Variants in ATG10 observed in about 807,000 individuals in gnomAD.
The protein encoded by ATG10 is autophagy related 10.
In ATG10, 30 loss-of-function variants were observed where a neutral mutation model predicts 32.1. That is an observed-to-expected ratio of 0.94 (90% confidence interval 0.70 to 1.27). ATG10 has a LOEUF of 1.27. ATG10 is among the 50% of genes most tolerant of loss of function. The pLI is 0.00. For missense variants in ATG10, 233 were observed against 262.3 expected (o/e 0.89, Z 0.77); for synonymous variants, 87 against 91.5 (o/e 0.95, Z 0.28).
chr5:82,098,555 C>T (rs901805993), intron 3 of ATG10, among the ~76,000 whole-genome samples: 32 of 152,180 alleles, frequency 2.1e-4, no homozygotes, highest in African/African-American at 5.1e-4. Context: ...GTGATTCACC[C>T]GCCTCGGGCC....
intron 3 of ATG10, among the ~76,000 whole-genome samples, chr5:82,157,431 G>A (rs929636353): frequency 5.3e-5 from 8 of 151,046 alleles, no homozygotes; most frequent in Non-Finnish European, 1.0e-4. Flanking sequence ...AAAGAATTAC[G>A]TTGCTTGCAA....
chr5:82,052,695 C>T (rs944553996), intron 2 of ATG10, among the ~76,000 whole-genome samples: 1 of 152,098 alleles, frequency 6.6e-6, no homozygotes, highest in Non-Finnish European at 1.5e-5. Context: ...ATTCAGTGTA[C>T]ACATAGCCTG....
At chr5:82,109,540 A>G (rs1053991902) in intron 3 of ATG10, among the ~76,000 whole-genome samples, 1 of 151,946 alleles carries the variant, frequency 6.6e-6, no homozygotes, top group Non-Finnish European at 1.5e-5. Context: ...ATGCTCTTGT[A>G]AGCCTGATTT....
At chr5:82,129,291 T>A (rs1206429957) in intron 3 of ATG10, among the ~76,000 whole-genome samples, 1 of 152,032 alleles carries the variant, frequency 6.6e-6, no homozygotes, top group East Asian at 1.9e-4. Flanking sequence ...GGTTAGAACA[T>A]GCTCCTTTAG....
At chr5:82,205,437 CAGGAGGAAGGGAAGAT>C (rs1320902965) in intron 5 of ATG10, among the ~76,000 whole-genome samples, 1 of 151,782 alleles carries the variant, frequency 6.6e-6, no homozygotes, top group African/African-American at 2.4e-5. Flanking sequence ...AAAGGAAAGA[CAGGAGGAAGGGAAGAT>C]AGGAGGAAGA....
At chr5:82,194,891 G>A (rs375678990) in intron 5 of ATG10, among the ~76,000 whole-genome samples, 50 of 152,232 alleles carry the variant, frequency 3.3e-4, no homozygotes, top group African/African-American at 1.2e-3. Flanking sequence ...AGTTTCCATC[G>A]CTGCCAATAG....
chr5:82,203,867 A>G (rs1314241084), intron 5 of ATG10, among the ~76,000 whole-genome samples: 5 of 152,208 alleles, frequency 3.3e-5, no homozygotes, highest in African/African-American at 1.2e-4. Context: ...ATGAAGTAAG[A>G]TAAATATTTA....
rs745789653 is a variant in ATG10 at position 81,987,593 on chromosome 5, G to C, written c.23G>C (p.Gly8Ala). ...AACATGGAAGAAGATGAGTTCATTG[G>C]AGAAAAAACATTCCAACGTTATTGT... MEEDEFI[G>A]EKTFQRYCAE... The change falls in exon 2 of 8, where the codon GGA becomes GCA. Residue 8 changes from glycine to alanine, a missense_variant. Gly to Ala is a moderately conservative substitution (Grantham distance 60, BLOSUM62 0). Transcript: ENST00000282185. 8 of 1,611,092 alleles carry C rather than the reference G, an allele frequency of 5.0e-6. No individual in the cohort carries two copies. In the African/African-American group the frequency reaches 1.1e-4, roughly 22 times the overall value.
intron 3 of ATG10, among the ~76,000 whole-genome samples, chr5:82,135,521 A>T (rs539384559): frequency 1.3e-5 from 2 of 152,260 alleles, no homozygotes; most frequent in South Asian, 4.1e-4. Context: ...TTCATTTTGC[A>T]TGTAGTTGTG....
intron 5 of ATG10, among the ~76,000 whole-genome samples, chr5:82,180,205 A>C (rs536302529): frequency 9.8e-5 from 15 of 152,302 alleles, no homozygotes; most frequent in African/African-American, 3.6e-4. Context: ...TTCTAGGTTT[A>C]TCTTCTACTC....
chr5:82,074,655 A>T (rs77258943), intron 3 of ATG10, among the ~76,000 whole-genome samples: 14,766 of 152,222 alleles, frequency 0.097, 957 homozygotes, highest in South Asian at 0.22. Context: ...CATCTTCTCC[A>T]TATCTCTTAT....
At chr5:82,085,805 A>G (rs982902078) in intron 3 of ATG10, among the ~76,000 whole-genome samples, 4 of 152,194 alleles carry the variant, frequency 2.6e-5, no homozygotes, top group East Asian at 3.9e-4. Context: ...AGGTTTTTCT[A>G]TTTTTATTGA....
chr5:82,158,789 C>T (rs1767911460), intron 3 of ATG10, among the ~76,000 whole-genome samples: 1 of 151,926 alleles, frequency 6.6e-6, no homozygotes, highest in South Asian at 2.1e-4. Flanking sequence ...AACATCAGTC[C>T]AAATAAAGCA....
At position 81,974,855 on chromosome 5, in the gene ATG10, C is replaced by T. The variant is rs189641850; in HGVS notation, c.-13+2549C>T. Among the ~76,000 whole-genome samples, 575 of 152,214 alleles carry T rather than the reference C, an allele frequency of 3.8e-3. 2 individuals are homozygous for T. The highest frequency in any genetic ancestry group is 7.5e-3 in the Admixed American group (115 of 15,284). On this transcript the variant is annotated intron_variant, in intron 1 of 7. Transcript: ENST00000282185. The stretch of plus-strand genomic sequence containing the variant: ...TCAATATCCCTCAATCTATACTCTC[C>T]ATTCAGGTTCTTTACTGGTCTACCT...
At chr5:82,169,472 T>C (rs1357341958) in intron 4 of ATG10, among the ~76,000 whole-genome samples, 1 of 151,688 alleles carries the variant, frequency 6.6e-6, no homozygotes, top group African/African-American at 2.4e-5. Context: ...ACGGTAAGAG[T>C]TATGGTTAAG....
chr5:82,151,825 C>T (rs562320324), intron 3 of ATG10, among the ~76,000 whole-genome samples: 2 of 145,482 alleles, frequency 1.4e-5, no homozygotes, highest in Admixed American at 1.4e-4. Flanking sequence ...CATTGAAAGG[C>T]ATCCAGAACT....
intron 1 of ATG10, among the ~76,000 whole-genome samples, chr5:81,978,278 C>G (rs551236963): frequency 6.6e-6 from 1 of 152,240 alleles, no homozygotes; most frequent in African/African-American, 2.4e-5. Flanking sequence ...CCATGTTGGT[C>G]AGGCTGGTCT....
intron 2 of ATG10, among the ~76,000 whole-genome samples, chr5:81,991,280 C>T (rs1447843000): frequency 6.6e-6 from 1 of 152,010 alleles, no homozygotes; most frequent in Admixed American, 6.6e-5. Context: ...AGACAGTATT[C>T]TTATACTATT....
intron 3 of ATG10, among the ~76,000 whole-genome samples, chr5:82,131,061 A>G (rs1766499055): frequency 6.6e-6 from 1 of 152,040 alleles, no homozygotes; most frequent in South Asian, 2.1e-4. Flanking sequence ...AATAGACACT[A>G]TGGACTAGTA....
Sources: allele counts gnomAD v4.1 joint callset (sites outside exome capture counted in the v4.1 genomes callset), GRCh38; gene constraint gnomAD v4.1.1; transcripts MANE v1.5; gene names NCBI Gene and HGNC (gene_info 2026-07-23, HGNC 2026-07-21).